LIFR: variants seen among roughly 807,000 people sequenced by gnomAD.
The protein encoded by LIFR is leukemia inhibitory factor receptor.
Under a neutral mutation model 122.2 loss-of-function variants are expected in LIFR, and 84 were observed. That is an observed-to-expected ratio of 0.69 (90% CI 0.58 to 0.82). The LOEUF is 0.82. Ranked by LOEUF, LIFR falls within the 40% of genes least tolerant of loss-of-function variation. LIFR has a pLI of 0.00. For synonymous variants in LIFR, 422 were observed against 434.7 expected (o/e 0.97, Z 0.36); for missense variants, 1,294 against 1,311.6 (o/e 0.99, Z 0.21).
intron 11 of LIFR, among the ~76,000 whole-genome samples, chr5:38,500,123 G>A (rs1179593706): frequency 1.3e-5 from 2 of 151,966 alleles, no homozygotes; most frequent in African/African-American, 4.8e-5. Flanking sequence ...CCTCTCCTCT[G>A]TGGCATTTGT....
chr5:38,517,470 C>A (rs564551674), intron 5 of LIFR, among the ~76,000 whole-genome samples: 1 of 152,144 alleles, frequency 6.6e-6, no homozygotes, highest in East Asian at 1.9e-4. Context: ...AAGACAGCAC[C>A]TGCAGAACTG....
rs757398187 is a variant in LIFR at position 38,505,894 on chromosome 5, G to A, written c.1291+11C>T. On this transcript the variant is annotated intron_variant, in intron 9 of 19. Coordinates refer to ENST00000453190, the MANE Select transcript of LIFR (RefSeq NM_001127671.2). ...AGTTATTTTTAAGACATTAGTTTATGTACAGCTTACCTTTTTCAGTTATAT... is the reference window on the plus strand; with the variant it reads ...AGTTATTTTTAAGACATTAGTTTATATACAGCTTACCTTTTTCAGTTATAT... 1.0e-4 allele frequency: 159 copies of A among 1,582,596 alleles called. No individual in the cohort carries two copies. Among genetic ancestry groups the A allele is most frequent in the Non-Finnish European group, 1.3e-4 (151 of 1,156,448 alleles).
upstream of LIFR, among the ~76,000 whole-genome samples, chr5:38,561,490 C>G (rs1274650146): frequency 6.6e-6 from 1 of 152,162 alleles, no homozygotes; most frequent in Non-Finnish European, 1.5e-5. Context: ...TCCTATCAAA[C>G]CACTTATTGC....
rs147656145 is a variant in LIFR, at chr5:38,506,573, A to G, written c.1051T>C (p.Cys351Arg). Reference sequence around the variant, plus strand: ...GTCACCCTTCCTGGATTCCAACTACATATAATTTCTTTTAAATCATGTGTC... The same window carrying G: ...GTCACCCTTCCTGGATTCCAACTACGTATAATTTCTTTTAAATCATGTGTC... Reference protein sequence around the residue: ...CETHDLKEIICSWNPGRVTAL... With the variant: ...CETHDLKEIIRSWNPGRVTAL... Residue 351 changes from cysteine to arginine, a missense_variant, in exon 8 of 20, where the codon TGT (cysteine) becomes CGT (arginine). Physicochemically the swap from Cys to Arg is radical, Grantham distance 180 (BLOSUM62 -3). Coordinates refer to ENST00000453190, the MANE Select transcript of LIFR (RefSeq NM_001127671.2). The G allele has an allele frequency of 9.3e-6, 15 of 1,613,716 alleles. No individual in the cohort carries two copies. Among genetic ancestry groups the G allele is most frequent in the African/African-American group, 1.3e-5 (1 of 74,908 alleles).
intron 9 of LIFR, among the ~76,000 whole-genome samples, chr5:38,505,451 C>T (rs1238382388): frequency 6.8e-6 from 1 of 147,922 alleles, no homozygotes; most frequent in African/African-American, 2.5e-5. Flanking sequence ...CACACGAGTA[C>T]AAATGAATGC....
chr5:38,525,343 C>G (rs1746622176), intron 4 of LIFR, among the ~76,000 whole-genome samples: 1 of 152,128 alleles, frequency 6.6e-6, no homozygotes, highest in African/African-American at 2.4e-5. Context: ...CCTTTCTTGC[C>G]TCATTTCTAT....
At chr5:38,517,104 T>A (rs544461864) in intron 5 of LIFR, among the ~76,000 whole-genome samples, 2 of 152,076 alleles carry the variant, frequency 1.3e-5, no homozygotes, top group African/African-American at 4.8e-5. Flanking sequence ...ATACCGAATG[T>A]AGATGATGGA....
chr5:38,519,306 T>C (rs975814806), intron 5 of LIFR, among the ~76,000 whole-genome samples: 2 of 152,210 alleles, frequency 1.3e-5, no homozygotes, highest in African/African-American at 4.8e-5. Context: ...AAGTGCCTTA[T>C]ACAGGTGTAC....
At chr5:38,536,762 C>G (rs1053240032) in intron 1 of LIFR, among the ~76,000 whole-genome samples, 5 of 152,128 alleles carry the variant, frequency 3.3e-5, no homozygotes, top group East Asian at 1.9e-4. Context: ...AGTCTGGGGA[C>G]CTGAGTTAGA....
upstream of LIFR, among the ~76,000 whole-genome samples, chr5:38,597,345 GA>G (rs1471892391): frequency 6.6e-6 from 1 of 152,192 alleles, no homozygotes; most frequent in Non-Finnish European, 1.5e-5. Context: ...GTTACATAAA[GA>G]AAAGACACAG....
chr5:38,486,192 GT>G (rs1442594249), intron 16 of LIFR, among the ~76,000 whole-genome samples: 1 of 152,166 alleles, frequency 6.6e-6, no homozygotes, highest in Non-Finnish European at 1.5e-5. Flanking sequence ...CCACTCTCAA[GT>G]GGAGTTTTTC....
rs1289936688 is a variant in LIFR at position 38,474,699 on chromosome 5, T to G, written c.*6896A>C. ...TAAAGACCAGTATTTATTATTTATT[T>G]GCTAATGTTGGATTCCCACTATTTG... is the stretch of plus-strand genomic sequence containing the variant. On this transcript the variant is annotated 3_prime_UTR_variant, in exon 20 of 20. Coordinates refer to ENST00000453190, the MANE Select transcript of LIFR (RefSeq NM_001127671.2). Among the ~76,000 whole-genome samples the G allele has an allele frequency of 6.6e-6, 1 of 152,224 alleles. No individual in the cohort carries two copies. The highest frequency in any genetic ancestry group is 1.9e-4 in the East Asian group (1 of 5,198).
In LIFR at chr5:38,527,184, C is replaced by G; in HGVS notation, c.368G>C (p.Ser123Thr). ...NSLHDFGSST[S>T]KFTLNEQNVS... ...GTTTTGTTCATTTAGTGTGAATTTA[C>G]TTGTAGAACTTCCAAAATCATGTAG... The change falls in exon 4 of 20, where the codon AGT becomes ACT. Residue 123 changes from serine (S) to threonine (T), a missense_variant. By Grantham distance (58) the Ser-to-Thr change is moderately conservative. Coordinates refer to ENST00000453190, the MANE Select transcript of LIFR (RefSeq NM_001127671.2). The G allele has an allele frequency of 6.3e-7, 1 of 1,592,184 alleles. No homozygotes were observed. The highest frequency in any genetic ancestry group is 1.7e-4 in the Middle Eastern group (1 of 5,996).
chr5:38,579,466 G>A (rs1749510511), intron 1 of LIFR: 2 of 152,066 alleles, frequency 1.3e-5, no homozygotes, highest in African/African-American at 4.8e-5. Context: ...AAAGAGGGGA[G>A]TCTATGTATG....
rs1746944522 is a variant in LIFR, at chr5:38,530,486, TG to T, written c.142+19del. On this transcript the variant is annotated intron_variant, in intron 2 of 19. Transcript: ENST00000453190. ...ATAAAACTGCAATCTGTTCATTCTC[TG>T]GAAGGCTGATGCACTTACCCTTTTT... 6.2e-7 allele frequency: 1 copy of T among 1,603,236 alleles called. No homozygotes were observed. The highest frequency in any genetic ancestry group is 2.2e-5 in the East Asian group (1 of 44,814).
At chr5:38,494,431 C>T (rs565046745) in intron 13 of LIFR, among the ~76,000 whole-genome samples, 1 of 149,614 alleles carries the variant, frequency 6.7e-6, no homozygotes, top group Non-Finnish European at 1.5e-5. Context: ...GTCTGCACAG[C>T]GTCCTAGGAG....
At chr5:38,607,434 A>G (rs928488737) in intron 1 of LIFR, among the ~76,000 whole-genome samples, 1 of 152,186 alleles carries the variant, frequency 6.6e-6, no homozygotes, top group Non-Finnish European at 1.5e-5. Flanking sequence ...AAAGCCTTCA[A>G]TATTCAACAT....
rs1458973652 is a variant in LIFR at position 38,476,190 on chromosome 5, T to C, written c.*5405A>G. The C allele has an allele frequency of 4.8e-6, 1 of 206,188 alleles. No individual in the cohort carries two copies. The highest frequency in any genetic ancestry group is 9.9e-6 in the Non-Finnish European group (1 of 101,016). 12.8% of individuals were successfully genotyped at this position (206,188 alleles called of 1,614,324 possible). Reference sequence around the variant, plus strand: ...GAATCAAACTGGGAGAAGAATGTTTTACAAAAATTGTATGAAAACCATTAT... The same window carrying C: ...GAATCAAACTGGGAGAAGAATGTTTCACAAAAATTGTATGAAAACCATTAT... On this transcript the variant is annotated 3_prime_UTR_variant, in exon 20 of 20. Transcript: ENST00000453190.
intron 1 of LIFR, among the ~76,000 whole-genome samples, chr5:38,582,149 C>T (rs1252645931): frequency 6.6e-6 from 1 of 151,552 alleles, no homozygotes. Context: ...CAGCCTCGAA[C>T]TCCTGGGCTC....
Sources: allele counts gnomAD v4.1 joint callset (sites outside exome capture counted in the v4.1 genomes callset), GRCh38; gene constraint gnomAD v4.1.1; transcripts MANE v1.5; gene names NCBI Gene and HGNC (gene_info 2026-07-23, HGNC 2026-07-21).